The following KCNQ5 variants were observed in gnomAD, a reference collection of about 807,000 sequenced individuals.
KCNQ5 encodes the protein potassium voltage-gated channel subfamily KQT member 5.
In KCNQ5, 30 loss-of-function variants were observed where a neutral mutation model predicts 98.2. The observed-to-expected ratio is 0.31, with a 90% confidence interval of 0.23 to 0.41. The LOEUF (loss-of-function observed/expected upper bound fraction) is 0.41. Among genes scored for constraint, KCNQ5 ranks in the 10% least tolerant of loss-of-function variants. KCNQ5 has a pLI of 1.00. For missense variants in KCNQ5, 835 were observed against 1,182.5 expected, an observed-to-expected ratio of 0.71 and a Z score of 4.31; for synonymous variants, 458 against 449.4, an observed-to-expected ratio of 1.02 and a Z score of -0.24.
At chr6:73,165,291 G>C (rs1180802994) in intron 10 of KCNQ5, among the ~76,000 whole-genome samples, 1 of 152,026 alleles carries the variant, frequency 6.6e-6, no homozygotes, top group Admixed American at 6.6e-5. Context: ...AGCTGTACTG[G>C]GACTCCTGAT....
chr6:72,971,107 A>G (rs1767873023), intron 1 of KCNQ5, among the ~76,000 whole-genome samples: 1 of 152,232 alleles, frequency 6.6e-6, no homozygotes, highest in Admixed American at 6.5e-5. Context: ...TCATCTGACA[A>G]AGGGCTAATA....
At chr6:73,108,195 C>T (rs1775080665) in intron 6 of KCNQ5, among the ~76,000 whole-genome samples, 1 of 152,220 alleles carries the variant, frequency 6.6e-6, no homozygotes. Flanking sequence ...TGTGGGGTCA[C>T]TTCCCCTGGT....
intron 1 of KCNQ5, among the ~76,000 whole-genome samples, chr6:72,716,904 T>A (rs889755962): frequency 5.9e-5 from 9 of 152,204 alleles, no homozygotes; most frequent in Admixed American, 4.6e-4. Context: ...AATTCAGTTA[T>A]GCATTTGATC....
rs548283784 is a variant in KCNQ5, at chr6:72,958,078, CT to C, written c.399-45820del. On this transcript the variant is annotated intron_variant, in intron 1 of 13. Coordinates refer to ENST00000370398, the MANE Select transcript of KCNQ5 (RefSeq NM_019842.4). ...GCCTGGCACATAATAGGTGCTCCAT[CT>C]TTTTTTTTTCTTTTTATGAATGAAA... is the stretch of plus-strand genomic sequence containing the variant. 9.3e-3 allele frequency among the ~76,000 whole-genome samples: 1,398 copies of C among 149,554 alleles called. 15 individuals carry two copies. Among genetic ancestry groups the C allele is most frequent in the Middle Eastern group, 0.035 (10 of 286 alleles).
At chr6:72,720,724 T>G (rs1769911996) in intron 1 of KCNQ5, among the ~76,000 whole-genome samples, 1 of 152,228 alleles carries the variant, frequency 6.6e-6, no homozygotes, top group Non-Finnish European at 1.5e-5. Context: ...CAGATTAGTT[T>G]GTCTCGTCTT....
chr6:72,697,136 G>A (rs1417810100), intron 1 of KCNQ5, among the ~76,000 whole-genome samples: 2 of 152,164 alleles, frequency 1.3e-5, no homozygotes, highest in Non-Finnish European at 2.9e-5. Context: ...ATAGAGTTTA[G>A]TTTTGTGATT....
chr6:72,659,010 A>C (rs1766367486), intron 1 of KCNQ5, among the ~76,000 whole-genome samples: 1 of 152,224 alleles, frequency 6.6e-6, no homozygotes, highest in Non-Finnish European at 1.5e-5. Context: ...TGTGCTATAC[A>C]TACAGCTTAG....
rs777287414 is a variant in KCNQ5 at position 73,041,941 on chromosome 6, C to T, written c.495C>T (p.Phe165=). Residue 165 remains phenylalanine (F), a synonymous_variant, in exon 3 of 14, where the codon TTC becomes TTT. Coordinates refer to ENST00000370398, the MANE Select transcript of KCNQ5 (RefSeq NM_019842.4). ...LASSCLLILE[F]VMIVVFGLEF... ...TGTCTTATCTGATATTTTAGGAGTT[C>T]GTGATGATTGTCGTCTTTGGTTTGG... The T allele has an allele frequency of 2.0e-5, 32 of 1,613,602 alleles. No homozygotes were observed. The highest frequency in any genetic ancestry group is 2.2e-5 in the East Asian group (1 of 44,886).
chr6:72,779,984 G>A (rs1334579177), intron 1 of KCNQ5, among the ~76,000 whole-genome samples: 1 of 152,012 alleles, frequency 6.6e-6, no homozygotes, highest in African/African-American at 2.4e-5. Context: ...ACAGGCATGA[G>A]CCACCATGCT....
At chr6:72,650,939 G>T (rs543699595) in intron 1 of KCNQ5, among the ~76,000 whole-genome samples, 1 of 152,008 alleles carries the variant, frequency 6.6e-6, no homozygotes, top group Non-Finnish European at 1.5e-5. Flanking sequence ...AAATTGGGTC[G>T]ATTAAGGTTG....
intron 2 of KCNQ5, among the ~76,000 whole-genome samples, chr6:73,037,062 G>A (rs995928898): frequency 6.6e-6 from 1 of 152,186 alleles, no homozygotes; most frequent in Admixed American, 6.5e-5. Flanking sequence ...TAGCTGTGTA[G>A]TGATACCATT....
intron 1 of KCNQ5, among the ~76,000 whole-genome samples, chr6:72,901,958 A>G (rs1266625223): frequency 6.6e-6 from 1 of 152,192 alleles, no homozygotes; most frequent in Non-Finnish European, 1.5e-5. Context: ...TTTTCACAAT[A>G]TTGATTCTAC....
intron 10 of KCNQ5, among the ~76,000 whole-genome samples, chr6:73,159,220 A>T (rs1777515388): frequency 6.6e-6 from 1 of 152,230 alleles, no homozygotes; most frequent in Non-Finnish European, 1.5e-5. Context: ...GCTGGAGGCC[A>T]TTATCCTCAC....
chr6:72,632,488 G>C (rs1028153186), intron 1 of KCNQ5, among the ~76,000 whole-genome samples: 1 of 151,972 alleles, frequency 6.6e-6, no homozygotes, highest in Non-Finnish European at 1.5e-5. Context: ...TTAGAGACGG[G>C]GGTACTTGTG....
At chr6:73,117,053 A>C (rs1387452431) in intron 7 of KCNQ5, among the ~76,000 whole-genome samples, 1 of 152,230 alleles carries the variant, frequency 6.6e-6, no homozygotes, top group Non-Finnish European at 1.5e-5. Flanking sequence ...TCACCTGATA[A>C]ATGGCAAAGT....
chr6:72,980,745 T>G (rs902806939), intron 1 of KCNQ5, among the ~76,000 whole-genome samples: 1 of 152,242 alleles, frequency 6.6e-6, no homozygotes, highest in South Asian at 2.1e-4. Context: ...CATCCCTGTC[T>G]TGTGCCAGTT....
At chr6:73,013,567 A>G (rs952568501) in intron 2 of KCNQ5, among the ~76,000 whole-genome samples, 1 of 152,142 alleles carries the variant, frequency 6.6e-6, no homozygotes, top group Non-Finnish European at 1.5e-5. Flanking sequence ...TTGATTTCTT[A>G]CTAGAAAAAT....
In KCNQ5 at chr6:73,020,838, C is replaced by T. The variant is rs565590385; in HGVS notation, c.489+16840C>T. 1.3e-3 allele frequency among the ~76,000 whole-genome samples: 203 copies of T among 152,214 alleles called. 2 individuals are homozygous for T. The highest frequency in any genetic ancestry group is 8.2e-3 in the Admixed American group (126 of 15,284). ...TATTTCACAGTATCACACCTTGCTA[C>T]ACACAGGCTTCTCACATCCTGATCT... On this transcript the variant is annotated intron_variant, in intron 2 of 13. Transcript: ENST00000370398.
At chr6:72,949,439 C>T (rs1335047743) in intron 1 of KCNQ5, among the ~76,000 whole-genome samples, 2 of 152,142 alleles carry the variant, frequency 1.3e-5, no homozygotes, top group African/African-American at 4.8e-5. Flanking sequence ...CCTTGTAATA[C>T]TTTTGTGTCT....
Sources: gnomAD v4.1 joint callset for allele counts (sites outside exome capture counted in the v4.1 genomes callset) on GRCh38, gnomAD v4.1.1 for gene constraint, MANE v1.5 for transcripts, NCBI Gene and HGNC (gene_info 2026-07-23, HGNC 2026-07-21) for gene names.